GFM2: variants seen among roughly 807,000 people sequenced by gnomAD.
GFM2 encodes the protein ribosome-releasing factor 2, mitochondrial.
GFM2 carries 72 observed loss-of-function variants against 95.4 expected under a neutral mutation model. That is an observed-to-expected ratio of 0.76 (90% CI 0.62 to 0.92). The LOEUF (loss-of-function observed/expected upper bound fraction) is 0.92, where lower values mean the gene tolerates loss of function less well. Among genes scored for constraint, GFM2 ranks in the 40% least tolerant of loss-of-function variants. GFM2 has a pLI of 0.00. For synonymous variants in GFM2, 276 were observed against 317.5 expected, an observed-to-expected ratio of 0.87 and a Z score of 1.39; for missense variants, 825 against 924.1, an observed-to-expected ratio of 0.89 and a Z score of 1.39.
chr5:74,736,822 T>C lies in GFM2; in HGVS notation c.1484A>G (p.Glu495Gly), dbSNP rs1376062702. The C allele has an allele frequency of 6.2e-7, 1 of 1,613,920 alleles. No homozygotes were observed. ...TGGCTGCTTAGACAGTGATGGGGGT[T>C]CTATGGTACAGAAGAAAACAGGTTC... ...IPEPVFFCTI[E>G]PPSLSKQPDL... Residue 495 changes from glutamate to glycine, a missense_variant, in exon 15 of 21, where the codon GAA becomes GGA. Transcript: ENST00000296805.
intron 10 of GFM2, among the ~76,000 whole-genome samples, chr5:74,743,744 A>T (rs1337985631): frequency 1.3e-5 from 2 of 152,204 alleles, no homozygotes; most frequent in Non-Finnish European, 2.9e-5. Flanking sequence ...TCCCCAAATT[A>T]AAAAAGCAGT....
At chr5:74,763,058 G>A (rs1744363136) in intron 2 of GFM2, among the ~76,000 whole-genome samples, 1 of 152,154 alleles carries the variant, frequency 6.6e-6, no homozygotes, top group African/African-American at 2.4e-5. Context: ...GATAAAAAGG[G>A]TATTATTATG....
At chr5:74,729,838 A>G (rs1157038906) in intron 17 of GFM2, among the ~76,000 whole-genome samples, 1 of 152,186 alleles carries the variant, frequency 6.6e-6, no homozygotes, top group Non-Finnish European at 1.5e-5. Flanking sequence ...ATAGAAGTAT[A>G]AAAACTATAG....
At chr5:74,739,904 G>T in intron 12 of GFM2, 85 bp downstream of exon 12, 5 of 957,486 alleles carry the variant, frequency 5.2e-6, no homozygotes, top group South Asian at 2.4e-5. Flanking sequence ...TTCAAAAATG[G>T]TGATTTAACT....
At chr5:74,727,185 A>G (rs1390411657) in intron 17 of GFM2, among the ~76,000 whole-genome samples, 1 of 152,166 alleles carries the variant, frequency 6.6e-6, no homozygotes, top group Non-Finnish European at 1.5e-5. Flanking sequence ...ACATGTTTAT[A>G]TATAAATATA....
At position 74,751,456 on chromosome 5, in the gene GFM2, G is replaced by A. The variant is rs1743707330; in HGVS notation, c.342C>T (p.Ala114=). ...TAGTAATGCCTCTTTCTCGCTCTTG[G>A]GCCATGAAATCTGTCACTGTGTCTC... ...DDGDTVTDFM[A]QERERGITIQ... Residue 114 remains alanine, a synonymous_variant, in exon 6 of 21, where the codon GCC becomes GCT. Coordinates refer to ENST00000296805, the MANE Select transcript of GFM2 (RefSeq NM_032380.5). 1 of 1,609,854 alleles carries A rather than the reference G, an allele frequency of 6.2e-7. No homozygotes were observed. The highest frequency in any genetic ancestry group is 8.5e-7 in the Non-Finnish European group (1 of 1,176,342).
chr5:74,741,625 T>A lies in GFM2; in HGVS notation c.850-16A>T, dbSNP rs1468620120. The A allele has an allele frequency of 2.8e-6, 4 of 1,422,570 alleles. No individual in the cohort carries two copies. The highest frequency in any genetic ancestry group is 3.9e-6 in the Non-Finnish European group (4 of 1,019,282). 88.1% of individuals were successfully genotyped at this position (1,422,570 alleles called of 1,614,324 possible). On this transcript the variant is annotated splice_polypyrimidine_tract_variant and intron_variant, in intron 10 of 20. Coordinates refer to ENST00000296805, the MANE Select transcript of GFM2 (RefSeq NM_032380.5). ...AATCTGCAACCTATAAAGAAAGGTT[T>A]TAGAGTTCTATAACTTGCATTTACT...
At chr5:74,755,739 CAA>C (rs762845167) in intron 5 of GFM2, among the ~76,000 whole-genome samples, 11 of 151,962 alleles carry the variant, frequency 7.2e-5, no homozygotes, top group Non-Finnish European at 1.6e-4. Flanking sequence ...AAGTTGCCAA[CAA>C]AAAAAGTCTA....
chr5:74,735,536 C>A (rs1296877520), intron 15 of GFM2, among the ~76,000 whole-genome samples: 1 of 152,184 alleles, frequency 6.6e-6, no homozygotes, highest in Admixed American at 6.5e-5. Flanking sequence ...TGTCCTTAAA[C>A]AAACAGTCTA....
intron 2 of GFM2, among the ~76,000 whole-genome samples, chr5:74,762,560 T>G (rs1485506248): frequency 1.3e-5 from 2 of 152,224 alleles, no homozygotes; most frequent in Non-Finnish European, 2.9e-5. Flanking sequence ...TTTTTCCTTA[T>G]TAAGCCAAGA....
intron 15 of GFM2, chr5:74,736,521 T>G: frequency 1.6e-6 from 2 of 1,270,478 alleles, no homozygotes; most frequent in Non-Finnish European, 2.0e-6. Context: ...AGGGCAGTTC[T>G]AAGGCCAATT....
At position 74,722,429 on chromosome 5, in the gene GFM2, G is replaced by A. The variant is rs764685887; in HGVS notation, c.2161C>T (p.Arg721Cys). Reference sequence around the variant, plus strand: ...CCAATAACAACTTTGTTGTCCTGGCGAGTCTGAATTTCCTGAATGTTTCCT... The same window carrying A: ...CCAATAACAACTTTGTTGTCCTGGCAAGTCTGAATTTCCTGAATGTTTCCT... ...RRGNIQEIQT[R>C]QDNKVVIGFV... The change falls in exon 20 of 21, where the codon CGC (arginine) becomes TGC (cysteine). Residue 721 changes from arginine (R) to cysteine (C), a missense_variant. Physicochemically the swap from Arg to Cys is radical, Grantham distance 180. Transcript: ENST00000296805. The A allele has an allele frequency of 1.1e-5, 18 of 1,613,766 alleles. No individual in the cohort carries two copies. The highest frequency in any genetic ancestry group is 1.6e-4 in the Middle Eastern group (1 of 6,080).
intron 5 of GFM2, among the ~76,000 whole-genome samples, chr5:74,756,725 C>T (rs1328967246): frequency 4.0e-5 from 6 of 151,692 alleles, no homozygotes; most frequent in African/African-American, 1.2e-4. Flanking sequence ...TAAAAAAGAA[C>T]GAAATAATGG....
intron 1 of GFM2, 65 bp from the exon 2 acceptor site, chr5:74,763,831 G>GTC: frequency 1.1e-6 from 1 of 926,044 alleles, no homozygotes; most frequent in Non-Finnish European, 1.8e-6. Flanking sequence ...CAAGGCATAT[G>GTC]TAAGTTAGAC....
chr5:74,725,873 CTG>C, intron 18 of GFM2, 66 bp downstream of exon 18: 1 of 1,490,110 alleles, frequency 6.7e-7, no homozygotes, highest in Non-Finnish European at 9.3e-7. Flanking sequence ...CTGAAATAAT[CTG>C]TAATATAAGG....
At chr5:74,765,153 C>A in intron 1 of GFM2, 1 of 1,112,230 alleles carries the variant, frequency 9.0e-7, no homozygotes, top group Non-Finnish European at 1.1e-6. Context: ...ACAGTTGTGA[C>A]TGTAATAGAC....
At chr5:74,754,813 T>C (rs1252772279) in intron 5 of GFM2, among the ~76,000 whole-genome samples, 1 of 151,896 alleles carries the variant, frequency 6.6e-6, no homozygotes, top group Non-Finnish European at 1.5e-5. Flanking sequence ...AGACAAAAGG[T>C]CAACAAAGAA....
rs185548510 is a variant in GFM2 at position 74,736,606 on chromosome 5, G to T, written c.1510+190C>A. On this transcript the variant is annotated intron_variant, in intron 15 of 20. Coordinates refer to ENST00000296805, the MANE Select transcript of GFM2 (RefSeq NM_032380.5). ...GAGAAGAATGGCCAAGAAATAAGAA[G>T]AGAAAAAAATGAAGGCATTTGTAAA... 7 of 1,421,502 alleles carry T rather than the reference G, an allele frequency of 4.9e-6. No homozygotes were observed. The Admixed American group carries it at 2.1e-4, about 42-fold the overall frequency. The allele number at this position is 1,421,502 out of a possible 1,614,324, so 88.1% of individuals were successfully genotyped here.
intron 14 of GFM2, 146 bp downstream of exon 14, chr5:74,738,172 G>A (rs1742926042): frequency 1.6e-6 from 1 of 629,548 alleles, no homozygotes; most frequent in South Asian, 2.1e-5. Context: ...ATGAGATTCA[G>A]CCATGTTGAC....
Sources: allele counts gnomAD v4.1 joint callset (sites outside exome capture counted in the v4.1 genomes callset), GRCh38; gene constraint gnomAD v4.1.1; transcripts MANE v1.5; gene names NCBI Gene and HGNC (gene_info 2026-07-23, HGNC 2026-07-21).